LMNA: variants seen among roughly 807,000 people sequenced by gnomAD.
LMNA encodes the protein lamin A/C.
Under a neutral mutation model 70.4 loss-of-function variants are expected in LMNA, and 20 were observed. The observed-to-expected ratio is 0.28, with a 90% CI of 0.20 to 0.41. LMNA has a LOEUF of 0.41. Ranked by LOEUF, LMNA falls within the 10% of genes least tolerant of loss-of-function variation. LMNA has a pLI of 1.00. For synonymous variants in LMNA, 339 were observed against 372.8 expected (o/e 0.91, Z 1.04); for missense variants, 652 against 917.2 (o/e 0.71, Z 3.73).
Position 156,135,361 on chromosome 1 carries a change from G to T in LMNA, c.936+49G>T. On this transcript the variant is annotated intron_variant, in intron 5 of 11. Coordinates refer to ENST00000368300, the MANE Select transcript of LMNA (RefSeq NM_170707.4). The surrounding 1 kb of genome is among the most constrained non-coding windows in gnomAD (Gnocchi z 4.8). ...CTCCAGGGGCCTAGAGTCTGGGCCG[G>T]ATGCAGGCTGGAAGCCCAGGGTTGG... The T allele has an allele frequency of 7.7e-7, 1 of 1,303,446 alleles. No homozygotes were observed. Among genetic ancestry groups the T allele is most frequent in the South Asian group, 1.2e-5 (1 of 84,038 alleles). 80.7% of individuals were successfully genotyped at this position (1,303,446 alleles called of 1,614,324 possible).
chr1:156,126,548 C>G (rs1157716016), intron 1 of LMNA: 1 of 755,800 alleles, frequency 1.3e-6, no homozygotes, highest in South Asian at 1.4e-5. Context: ...TGGTGCCTTT[C>G]TTCCCCAAAC....
chr1:156,138,396 G>T lies in LMNA; in HGVS notation c.1699-92G>T. The T allele has an allele frequency of 1.4e-6, 2 of 1,432,458 alleles. No individual in the cohort carries two copies. The highest frequency in any genetic ancestry group is 2.5e-5 in the South Asian group (2 of 80,020). The allele number at this position is 1,432,458 out of a possible 1,614,324, so 88.7% of individuals were successfully genotyped here. On this transcript the variant is annotated intron_variant, in intron 10 of 11. Coordinates refer to ENST00000368300, the MANE Select transcript of LMNA (RefSeq NM_170707.4). This position sits in a 1 kb window ranked among gnomAD's most constrained non-coding sequence, Gnocchi z 5.5. ...ACAGAACCACACCTTCCTGCCTGGC[G>T]GCTGGGAGCCTGCAGGAGCCTGGAG...
chr1:156,098,075 G>A (rs115304893), intron 3 of LMNA, among the ~76,000 whole-genome samples: 151 of 152,258 alleles, frequency 9.9e-4, no homozygotes, highest in African/African-American at 3.4e-3. Flanking sequence ...TTTCATTCTT[G>A]TTCAGCTTTG....
upstream of LMNA, among the ~76,000 whole-genome samples, chr1:156,113,411 A>C (rs569064760): frequency 2.0e-5 from 3 of 152,104 alleles, no homozygotes; most frequent in South Asian, 6.2e-4. Flanking sequence ...GGCTTATCAA[A>C]AGGGTCCTTG....
At position 156,137,929 on chromosome 1, in the gene LMNA, G is replaced by A. The variant is rs1422554543; in HGVS notation, c.1698+186G>A. 2.3e-6 allele frequency: 3 copies of A among 1,306,516 alleles called. No individual in the cohort carries two copies. The highest frequency in any genetic ancestry group is 1.5e-5 in the South Asian group (1 of 68,398). 80.9% of individuals were successfully genotyped at this position (1,306,516 alleles called of 1,614,324 possible). A position where few individuals can be genotyped will look rare whatever the true frequency, so the allele number is the denominator to read the frequency against. The stretch of plus-strand genomic sequence containing the variant: ...CCTTGAACAGGGAACCCAGGTGTCT[G>A]GGTGCCCTACTCTGGTAAGGAAGGG... On this transcript the variant is annotated intron_variant, in intron 10 of 11. Transcript: ENST00000368300. This position sits in a 1 kb window ranked among gnomAD's most constrained non-coding sequence, Gnocchi z 4.6.
intron 1 of LMNA, chr1:156,129,862 G>T: frequency 1.3e-6 from 1 of 771,556 alleles, no homozygotes; most frequent in Non-Finnish European, 2.4e-6. Context: ...GGACCTGGAG[G>T]CCTGGGATCC....
chr1:156,105,364 T>C (rs993754627), intron 3 of LMNA, among the ~76,000 whole-genome samples: 2 of 151,130 alleles, frequency 1.3e-5, no homozygotes, highest in African/African-American at 4.9e-5. Context: ...CCAAGTGCAG[T>C]CCCTTCCCCA....
upstream of LMNA, among the ~76,000 whole-genome samples, chr1:156,109,978 G>A (rs1649477058): frequency 6.6e-6 from 1 of 151,972 alleles, no homozygotes; most frequent in South Asian, 2.1e-4. Flanking sequence ...CTCCTGGGTA[G>A]CTGGGACTAG....
chr1:156,119,411 C>T (rs1466317152), intron 1 of LMNA, among the ~76,000 whole-genome samples: 8 of 152,100 alleles, frequency 5.3e-5, no homozygotes, highest in Non-Finnish European at 1.0e-4. Flanking sequence ...CCACCGTACC[C>T]GGCCACTAAT....
Position 156,137,708 on chromosome 1 carries a change from G to A in LMNA, c.1663G>A (p.Asp555Asn), listed in dbSNP as rs1451605729. Residue 555 changes from aspartate to asparagine, a missense_variant, in exon 10 of 12, where the codon GAT (aspartate) becomes AAT (asparagine). By Grantham distance (23) the Asp-to-Asn change is conservative. This residue lies in a region of LMNA where 327 missense variants were observed against 387.6 expected (regional missense o/e 0.84). Transcript: ENST00000368300. The surrounding 1 kb of genome is among the most constrained non-coding windows in gnomAD (Gnocchi z 4.6). ...AGTGACTGTGGTTGAGGACGACGAG[G>A]ATGAGGATGGAGATGACCTGCTCCA... Reference protein sequence around the residue: ...RSVTVVEDDEDEDGDDLLHHH... With the variant: ...RSVTVVEDDENEDGDDLLHHH... 6.4e-7 allele frequency: 1 copy of A among 1,555,080 alleles called. No homozygotes were observed. The highest frequency in any genetic ancestry group is 8.7e-7 in the Non-Finnish European group (1 of 1,148,942).
chr1:156,094,915 A>ATGCCCGG (rs1648873147), intron 3 of LMNA, among the ~76,000 whole-genome samples: 1 of 149,072 alleles, frequency 6.7e-6, no homozygotes, highest in Non-Finnish European at 1.5e-5. Flanking sequence ...GTTTGTCACC[A>ATGCCCGG]CAACCAGCTA....
At chr1:156,107,572 C>G (rs1044538312) in intron 3 of LMNA, among the ~76,000 whole-genome samples, 1 of 152,330 alleles carries the variant, frequency 6.6e-6, no homozygotes, top group Admixed American at 6.5e-5. Flanking sequence ...AGAAGCTCTG[C>G]CTCTGTCATT....
chr1:156,131,905 C>T (rs1420547452), intron 2 of LMNA, among the ~76,000 whole-genome samples: 1 of 152,236 alleles, frequency 6.6e-6, no homozygotes, highest in Non-Finnish European at 1.5e-5. Context: ...TGCAGTGGCT[C>T]ACGCCTATAA....
intron 3 of LMNA, among the ~76,000 whole-genome samples, chr1:156,101,886 G>C (rs1378881746): frequency 6.6e-6 from 1 of 151,782 alleles, no homozygotes; most frequent in Non-Finnish European, 1.5e-5. Context: ...TGAAGGAGGA[G>C]AGGCTGAGGA....
intron 3 of LMNA, among the ~76,000 whole-genome samples, chr1:156,105,391 C>A (rs146911556): frequency 2.8e-5 from 3 of 106,570 alleles, no homozygotes; most frequent in Non-Finnish European, 5.3e-5. Context: ...AGGGCGGAGA[C>A]CCCAGCCATC....
intron 3 of LMNA, among the ~76,000 whole-genome samples, chr1:156,105,411 C>T (rs1649296747): frequency 6.6e-6 from 1 of 151,902 alleles, no homozygotes; most frequent in East Asian, 1.9e-4. Flanking sequence ...CCCTACTCTA[C>T]TTGGCAGCCC....
At chr1:156,090,791 A>C (rs1648667631) in intron 3 of LMNA, among the ~76,000 whole-genome samples, 1 of 152,178 alleles carries the variant, frequency 6.6e-6, no homozygotes, top group Admixed American at 6.5e-5. Context: ...GGAGGTGCCC[A>C]GGGAGACTTG....
intron 3 of LMNA, among the ~76,000 whole-genome samples, chr1:156,097,029 G>A (rs1648962319): frequency 6.6e-6 from 1 of 152,220 alleles, no homozygotes; most frequent in South Asian, 2.1e-4. Flanking sequence ...CTGGGAAAGG[G>A]GCCAACCTGA....
intron 1 of LMNA, chr1:156,126,940 C>G: frequency 6.4e-7 from 1 of 1,558,194 alleles, no homozygotes; most frequent in Non-Finnish European, 8.7e-7. Context: ...ATTTCCCGAC[C>G]CCTGCCCGGG....
Sources: allele counts gnomAD v4.1 joint callset (sites outside exome capture counted in the v4.1 genomes callset), GRCh38; gene constraint gnomAD v4.1.1; regional missense constraint gnomAD v4.1.1; non-coding constraint Gnocchi (gnomAD v3.1); transcripts MANE v1.5; gene names NCBI Gene and HGNC (gene_info 2026-07-23, HGNC 2026-07-21).